Variants in ENTREP2 observed in about 807,000 individuals in gnomAD.
ENTREP2 encodes the protein protein ENTREP2.
the ENTREP2 span, among the ~76,000 whole-genome samples, chr15:29,428,504 C>T: frequency 2.6e-5 from 4 of 151,958 alleles, no homozygotes; most frequent in Non-Finnish European, 5.9e-5. Context: ...TGTGAGCCAC[C>T]GTGCCCAGCC....
chr15:29,436,316 G>A, the ENTREP2 span, among the ~76,000 whole-genome samples: 2 of 152,176 alleles, frequency 1.3e-5, no homozygotes, highest in Non-Finnish European at 2.9e-5. Flanking sequence ...GGGTCCCATC[G>A]CTGAGGAAGC....
At chr15:29,251,643 C>T in the ENTREP2 span, among the ~76,000 whole-genome samples, 3 of 151,808 alleles carry the variant, frequency 2.0e-5, no homozygotes, top group African/African-American at 7.3e-5. Context: ...GACTGAATAC[C>T]TCTGTTCTAC....
chr15:29,639,304 CA>C, the ENTREP2 span, among the ~76,000 whole-genome samples: 1 of 152,180 alleles, frequency 6.6e-6, no homozygotes, highest in East Asian at 1.9e-4. Context: ...CTCTGTTACA[CA>C]AAATTGTCAT....
At chr15:29,310,891 C>T in the ENTREP2 span, among the ~76,000 whole-genome samples, 1 of 152,242 alleles carries the variant, frequency 6.6e-6, no homozygotes, top group South Asian at 2.1e-4. Context: ...AAACCAATTA[C>T]AGCGTGAGAA....
the ENTREP2 span, among the ~76,000 whole-genome samples, chr15:29,176,207 T>G: frequency 1.3e-5 from 2 of 152,330 alleles, no homozygotes; most frequent in Non-Finnish European, 2.9e-5. Flanking sequence ...GATACAGACC[T>G]CTTTTCCTCA....
At chr15:29,231,575 A>G in the ENTREP2 span, among the ~76,000 whole-genome samples, 2 of 152,202 alleles carry the variant, frequency 1.3e-5, no homozygotes, top group African/African-American at 2.4e-5. Context: ...TCTGATAGTG[A>G]TATAGTATTT....
the ENTREP2 span, among the ~76,000 whole-genome samples, chr15:29,250,677 G>A: frequency 1.1e-4 from 17 of 151,954 alleles, no homozygotes; most frequent in Admixed American, 6.6e-4. Flanking sequence ...GAAAATGAGA[G>A]TCTAAGAAAA....
the ENTREP2 span, among the ~76,000 whole-genome samples, chr15:29,162,375 C>T: frequency 1.3e-5 from 2 of 152,124 alleles, no homozygotes; most frequent in African/African-American, 4.8e-5. Flanking sequence ...AAGAACAAGC[C>T]CTTTCTTTTG....
At chr15:29,479,684 TACACACACACACAC>T in the ENTREP2 span, among the ~76,000 whole-genome samples, 8 of 148,122 alleles carry the variant, frequency 5.4e-5, no homozygotes, top group Admixed American at 5.4e-4. Flanking sequence ...CACACATACA[TACACACACACACAC>T]ACACACACAC....
At chr15:29,587,989 C>T in the ENTREP2 span, among the ~76,000 whole-genome samples, 1 of 152,028 alleles carries the variant, frequency 6.6e-6, no homozygotes, top group Admixed American at 6.6e-5. Flanking sequence ...ATACTGCAAA[C>T]AATAATTGAA....
the ENTREP2 span, among the ~76,000 whole-genome samples, chr15:29,604,374 TTAAAAATGCTCATTCTC>T: frequency 6.6e-6 from 1 of 152,170 alleles, no homozygotes; most frequent in African/African-American, 2.4e-5. Context: ...CTTTTAAAAC[TTAAAAATGCTCATTCTC>T]TGAAAATGAG....
At chr15:29,291,236 T>C in the ENTREP2 span, among the ~76,000 whole-genome samples, 1 of 152,208 alleles carries the variant, frequency 6.6e-6, no homozygotes, top group Admixed American at 6.5e-5. Flanking sequence ...CGTTAAGCCA[T>C]TGAAATTTCA....
At chr15:29,597,202 T>C in the ENTREP2 span, among the ~76,000 whole-genome samples, 1 of 152,202 alleles carries the variant, frequency 6.6e-6, no homozygotes, top group Non-Finnish European at 1.5e-5. Flanking sequence ...CAGAATGTCA[T>C]ATAGTTGGAC....
At chr15:29,358,485 A>G in the ENTREP2 span, among the ~76,000 whole-genome samples, 2 of 152,194 alleles carry the variant, frequency 1.3e-5, no homozygotes, top group African/African-American at 4.8e-5. Flanking sequence ...AGCCCACAGG[A>G]GGGTCCTGGA....
chr15:29,175,270 T>C, the ENTREP2 span, among the ~76,000 whole-genome samples: 1 of 152,198 alleles, frequency 6.6e-6, no homozygotes, highest in African/African-American at 2.4e-5. Context: ...AAATGATACG[T>C]GTACCTCACC....
chr15:29,155,977 C>T, the ENTREP2 span, among the ~76,000 whole-genome samples: 150 of 152,184 alleles, frequency 9.9e-4, 1 homozygote, highest in African/African-American at 3.4e-3. Flanking sequence ...CCACTGCCCT[C>T]CCTGCTCCTA....
At chr15:29,655,324 T>TAAGTGAC in the ENTREP2 span, among the ~76,000 whole-genome samples, 2 of 152,200 alleles carry the variant, frequency 1.3e-5, no homozygotes, top group African/African-American at 4.8e-5. Flanking sequence ...TGTGGTTCAC[T>TAAGTGAC]TAGAGTCACC....
the ENTREP2 span, among the ~76,000 whole-genome samples, chr15:29,119,795 G>A: frequency 6.6e-6 from 1 of 152,214 alleles, no homozygotes; most frequent in African/African-American, 2.4e-5. Context: ...CTGAGTCAAA[G>A]CTGGAGGGAA....
the ENTREP2 span, among the ~76,000 whole-genome samples, chr15:29,294,949 G>A: frequency 6.6e-6 from 1 of 152,192 alleles, no homozygotes; most frequent in Admixed American, 6.5e-5. Context: ...CCAGTCTCCT[G>A]CTGTAGGGAG....
Sources: allele counts gnomAD v4.1 joint callset (sites outside exome capture counted in the v4.1 genomes callset), GRCh38; gene constraint gnomAD v4.1.1; transcripts MANE v1.5; gene names NCBI Gene and HGNC (gene_info 2026-07-23, HGNC 2026-07-21).